Variants in PDS5B observed in about 807,000 individuals in gnomAD.
The protein encoded by PDS5B is PDS5 cohesin associated factor B.
In PDS5B, 51 loss-of-function variants were observed where a neutral mutation model predicts 184.1. That is an observed-to-expected ratio of 0.28 (90% CI 0.22 to 0.35). The LOEUF is 0.35. Among genes scored for constraint, PDS5B ranks in the 10% least tolerant of loss-of-function variants. PDS5B has a pLI of 1.00. For synonymous variants in PDS5B, 566 were observed against 569.2 expected, an observed-to-expected ratio of 0.99 and a Z score of 0.08; for missense variants, 1,180 against 1,723.3, an observed-to-expected ratio of 0.68 and a Z score of 5.58.
intron 1 of PDS5B, among the ~76,000 whole-genome samples, chr13:32,647,951 T>C (rs1259281730): frequency 6.6e-6 from 1 of 152,154 alleles, no homozygotes; most frequent in African/African-American, 2.4e-5. Context: ...GATTTACTTA[T>C]GTTAGGTGCT....
chr13:32,598,770 CT>C (rs756301581), intron 1 of PDS5B, among the ~76,000 whole-genome samples: 2,196 of 126,274 alleles, frequency 0.017, 24 homozygotes, highest in African/African-American at 0.059. Context: ...TTTTTTCTCT[CT>C]TTTTTTTTTT....
chr13:32,701,998 G>C (rs1951875802), intron 17 of PDS5B, among the ~76,000 whole-genome samples: 1 of 152,014 alleles, frequency 6.6e-6, no homozygotes. Flanking sequence ...TGAAATGTGG[G>C]AAGAGGTGTT....
intron 6 of PDS5B, among the ~76,000 whole-genome samples, chr13:32,667,540 T>C (rs915586286): frequency 6.6e-6 from 1 of 152,198 alleles, no homozygotes; most frequent in Non-Finnish European, 1.5e-5. Context: ...CATTATGTTA[T>C]GAACAAAATA....
At position 32,618,625 on chromosome 13, in the gene PDS5B, A is replaced by C. The variant is rs569763907; in HGVS notation, c.-19-30129A>C. 2.0e-5 allele frequency among the ~76,000 whole-genome samples: 3 copies of C among 152,288 alleles called. No individual in the cohort carries two copies. The East Asian group carries it at 5.8e-4, about 29-fold the overall frequency. ...CCCTAGTTTCTCCTTTGTTGAAGTT[A>C]ATAATTTTACTTTTTTTGGTGTCTT... On this transcript the variant is annotated intron_variant, in intron 1 of 34. Coordinates refer to ENST00000315596, the MANE Select transcript of PDS5B (RefSeq NM_015032.4).
chr13:32,760,973 A>G (rs1954374832), intron 30 of PDS5B, among the ~76,000 whole-genome samples: 3 of 152,158 alleles, frequency 2.0e-5, no homozygotes. Context: ...CTAGTTTCCA[A>G]CCTCAGTGTG....
rs1954745451 is a variant in PDS5B at position 32,770,509 on chromosome 13, A to G, written c.4013A>G (p.Glu1338Gly). ...GAAGAAAGACAAAGTGGAAATACGG[A>G]ACAGAAGTCCAAAAGCAAACAGCAC... ...EEEERQSGNT[E>G]QKSKSKQHRV... The change falls in exon 32 of 35, where the codon GAA (glutamate) becomes GGA (glycine). Residue 1338 changes from glutamate (E) to glycine (G), a missense_variant. Glu to Gly is a moderately conservative substitution (Grantham distance 98). Around this residue, in one of 11 missense-constraint regions of PDS5B, gnomAD observed 465 missense variants for 497.8 expected, o/e 0.93. Transcript: ENST00000315596. 1.2e-6 allele frequency: 2 copies of G among 1,610,576 alleles called. No individual in the cohort carries two copies. The highest frequency in any genetic ancestry group is 1.7e-6 in the Non-Finnish European group (2 of 1,179,234).
At chr13:32,755,812 TTTTGTTTG>T (rs199755610) in intron 25 of PDS5B, 22 bp from the exon 26 acceptor site, 2 of 1,076,296 alleles carry the variant, frequency 1.9e-6, no homozygotes, top group Admixed American at 4.7e-5. Context: ...TTTTGTTTTT[TTTTGTTTG>T]TTTGTTTGTT....
At chr13:32,653,199 C>T (rs1026937218) in intron 3 of PDS5B, among the ~76,000 whole-genome samples, 3 of 151,990 alleles carry the variant, frequency 2.0e-5, no homozygotes, top group Admixed American at 2.0e-4. Flanking sequence ...GAGGCTGAGA[C>T]AGGAGAATCA....
At chr13:32,589,487 C>G (rs2057741111) in intron 1 of PDS5B, among the ~76,000 whole-genome samples, 1 of 152,134 alleles carries the variant, frequency 6.6e-6, no homozygotes, top group Non-Finnish European at 1.5e-5. Flanking sequence ...TTGTAGGTCT[C>G]TGTCTCCGGG....
chr13:32,688,920 A>G (rs968929990), intron 13 of PDS5B: 14 of 273,198 alleles, frequency 5.1e-5, no homozygotes, highest in African/African-American at 3.1e-4. Flanking sequence ...CTACCTTTTT[A>G]TTCTCACTTG....
At chr13:32,738,671 T>C (rs1046746505) in intron 21 of PDS5B, among the ~76,000 whole-genome samples, 2 of 152,164 alleles carry the variant, frequency 1.3e-5, no homozygotes, top group Non-Finnish European at 2.9e-5. Flanking sequence ...ACAAAAGTTA[T>C]TCCTTTTTTT....
Position 32,755,854 on chromosome 13 carries a change from C to G in PDS5B, c.2954C>G (p.Ser985Cys). ...TTTTCTTTTTCAGAAAAATTATTGT[C>G]TCTTCTACCAGAGTATGTTGTTCCA... Reference protein sequence around the residue: ...QHAAVSEKLLSLLPEYVVPYT... With the variant: ...QHAAVSEKLLCLLPEYVVPYT... Residue 985 changes from serine to cysteine, a missense_variant, in exon 26 of 35, where the codon TCT (serine) becomes TGT (cysteine). Ser to Cys is a moderately radical substitution (Grantham distance 112). This residue lies in a region of PDS5B where 57 missense variants were observed against 80.9 expected (regional missense o/e 0.70). Coordinates refer to ENST00000315596, the MANE Select transcript of PDS5B (RefSeq NM_015032.4). 1 of 1,327,094 alleles carries G rather than the reference C, an allele frequency of 7.5e-7. No homozygotes were observed. Among genetic ancestry groups the G allele is most frequent in the Non-Finnish European group, 1.0e-6 (1 of 978,374 alleles). The allele number at this position is 1,327,094 out of a possible 1,614,324, so 82.2% of individuals were successfully genotyped here.
At chr13:32,604,516 A>G (rs1440246321) in intron 1 of PDS5B, among the ~76,000 whole-genome samples, 1 of 152,084 alleles carries the variant, frequency 6.6e-6, no homozygotes, top group African/African-American at 2.4e-5. Context: ...TTCATCAGGG[A>G]TATTGGTCTA....
At chr13:32,748,626 CAG>C (rs1480636658) in intron 24 of PDS5B, among the ~76,000 whole-genome samples, 1 of 152,046 alleles carries the variant, frequency 6.6e-6, no homozygotes, top group African/African-American at 2.4e-5. Flanking sequence ...AAGTGCTAAA[CAG>C]AAATTTTATA....
At position 32,667,799 on chromosome 13, in the gene PDS5B, T is replaced by G; in HGVS notation, c.660T>G (p.Ala220=). The G allele has an allele frequency of 6.3e-7, 1 of 1,598,222 alleles. No homozygotes were observed. The highest frequency in any genetic ancestry group is 8.5e-7 in the Non-Finnish European group (1 of 1,173,394). ...AGCAAGCATATGATTTGGCAAAGGC[T>G]TTACTGAAGAGGACAGCTCAAGCTA... is the stretch of plus-strand genomic sequence containing the variant. ...LNKQAYDLAK[A]LLKRTAQAIE... The change falls in exon 7 of 35, where the codon GCT becomes GCG. Residue 220 remains alanine, a synonymous_variant. Coordinates refer to ENST00000315596, the MANE Select transcript of PDS5B (RefSeq NM_015032.4).
chr13:32,641,056 CAAA>C (rs71194532), intron 1 of PDS5B, among the ~76,000 whole-genome samples: 5 of 95,018 alleles, frequency 5.3e-5, no homozygotes, highest in Non-Finnish European at 7.3e-5. Flanking sequence ...GACTCCGTCT[CAAA>C]AAAAAAAAAA....
At chr13:32,690,935 A>G (rs1593436692) in intron 13 of PDS5B, 1 of 152,166 alleles carries the variant, frequency 6.6e-6, no homozygotes, top group East Asian at 1.9e-4. Context: ...TAGCTGACCA[A>G]CTATTATACT....
chr13:32,636,628 A>G (rs1265862861), intron 1 of PDS5B, among the ~76,000 whole-genome samples: 3 of 152,216 alleles, frequency 2.0e-5, no homozygotes. Flanking sequence ...AAATGGGCAT[A>G]ATTATATAGT....
intron 17 of PDS5B, among the ~76,000 whole-genome samples, chr13:32,705,256 A>G (rs1315402969): frequency 2.6e-5 from 4 of 152,162 alleles, no homozygotes; most frequent in Non-Finnish European, 5.9e-5. Context: ...ACTTTTGGAA[A>G]TGTGATAGTT....
Sources: gnomAD v4.1 joint callset for allele counts (sites outside exome capture counted in the v4.1 genomes callset) on GRCh38, gnomAD v4.1.1 for gene constraint, gnomAD v4.1.1 regional missense constraint, MANE v1.5 for transcripts, NCBI Gene and HGNC (gene_info 2026-07-23, HGNC 2026-07-21) for gene names.